Variants in GSE1 observed in about 807,000 individuals in gnomAD.
GSE1 encodes the protein Gse1 coiled-coil protein.
A neutral mutation model predicts 112.6 loss-of-function variants in GSE1; 32 were observed. The observed-to-expected ratio is 0.28, with a 90% CI of 0.21 to 0.38. The LOEUF (loss-of-function observed/expected upper bound fraction) is 0.38. GSE1 is among the 10% of genes least tolerant of loss of function. The pLI is 1.00. For synonymous variants in GSE1, 1,115 were observed against 735.6 expected (o/e 1.52, Z -8.35); for missense variants, 2,348 against 1,699.2 (o/e 1.38, Z -6.71).
intron 1 of GSE1, among the ~76,000 whole-genome samples, chr16:85,622,421 TG>T (rs2048798625): frequency 6.6e-6 from 1 of 152,158 alleles, no homozygotes; most frequent in Non-Finnish European, 1.5e-5. Context: ...CAGGTCATAT[TG>T]GGGAGGGTGT....
chr16:85,669,805 C>G (rs910308330), intron 14 of GSE1, among the ~76,000 whole-genome samples: 1 of 152,206 alleles, frequency 6.6e-6, no homozygotes, highest in African/African-American at 2.4e-5. Context: ...CTGTACCTTT[C>G]CCACCCAACC....
Position 85,673,120 on chromosome 16 carries a change from GC to G in GSE1, c.*582del, listed in dbSNP as rs1451364617. On this transcript the variant is annotated 3_prime_UTR_variant, in exon 16 of 16. Transcript: ENST00000253458. ...TAGGAGCACACAAAGCAACCCAAAG[GC>G]TTTTCCCTGGAAAAGCTCTTTCTTA... is the stretch of plus-strand genomic sequence containing the variant. 6.6e-6 allele frequency: 1 copy of G among 152,216 alleles called. No homozygotes were observed. Among genetic ancestry groups the G allele is most frequent in the Non-Finnish European group, 1.5e-5 (1 of 68,042 alleles). The allele number at this position is 152,216 out of a possible 1,614,324, so 9.4% of individuals were successfully genotyped here. A position where few individuals can be genotyped will look rare whatever the true frequency, so the allele number is the denominator to read the frequency against.
chr16:85,297,777 C>T (rs2045410101), intron 1 of GSE1, among the ~76,000 whole-genome samples: 1 of 152,236 alleles, frequency 6.6e-6, no homozygotes, highest in African/African-American at 2.4e-5. Flanking sequence ...TCCCAAAGTG[C>T]TGGGACTACA....
chr16:85,252,924 G>A (rs1023844425), intron 1 of GSE1, among the ~76,000 whole-genome samples: 1 of 152,178 alleles, frequency 6.6e-6, no homozygotes, highest in Non-Finnish European at 1.5e-5. Flanking sequence ...GGCCTTCGTG[G>A]AGCTGACACA....
intron 1 of GSE1, among the ~76,000 whole-genome samples, chr16:85,210,983 C>T (rs943924104): frequency 3.3e-5 from 5 of 152,212 alleles, no homozygotes; most frequent in Admixed American, 1.3e-4. Flanking sequence ...AGGAAGCTCC[C>T]AGACTCCTTT....
chr16:85,597,933 G>A (rs1387183416), intron 1 of GSE1, among the ~76,000 whole-genome samples: 1 of 152,218 alleles, frequency 6.6e-6, no homozygotes, highest in Non-Finnish European at 1.5e-5. Flanking sequence ...CCTTTCTTAC[G>A]GGTAGAGATC....
chr16:85,500,998 G>GTTTTTTTTTTGTTTTTTTTTTTT (rs2051342155), intron 2 of GSE1, among the ~76,000 whole-genome samples: 1 of 64,826 alleles, frequency 1.5e-5, no homozygotes, highest in African/African-American at 6.6e-5. Context: ...GGCCTGTTCT[G>GTTTTTTTTTTGTTTTTTTTTTTT]TTTTTTTTTT....
intron 2 of GSE1, among the ~76,000 whole-genome samples, chr16:85,482,149 C>T (rs1036213297): frequency 1.3e-5 from 2 of 152,222 alleles, no homozygotes; most frequent in African/African-American, 4.8e-5. Context: ...TGGCATGATG[C>T]TCAGTGTCTC....
rs538526215 is a variant in GSE1, at chr16:85,457,358, C to T, written c.2464+99715C>T. Among the ~76,000 whole-genome samples the T allele has an allele frequency of 2.0e-5, 3 of 152,338 alleles. No individual in the cohort carries two copies. The South Asian group carries it at 6.2e-4, about 32-fold the overall frequency. ...GCGAGACTCCCCCCAGACTGGACCG[C>T]AGCTGTCAGCCTGGCCATGAGTCCC... On this transcript the variant is annotated intron_variant, in intron 2 of 2. Transcript: ENST00000637419.
chr16:85,184,632 C>A (rs892636360), intron 1 of GSE1, among the ~76,000 whole-genome samples: 1 of 152,194 alleles, frequency 6.6e-6, no homozygotes, highest in Admixed American at 6.5e-5. Flanking sequence ...TAGCTGCACC[C>A]CACACTTTGT....
rs996151918 is a variant in GSE1 at position 85,349,098 on chromosome 16, G to A, written c.2284-8365G>A. On this transcript the variant is annotated intron_variant, in intron 1 of 2. Transcript: ENST00000637419. ...ATTAGTCCCTGATTACTCATTTGCC[G>A]GGTGCTGTGTGTATTCCATATCTAA... Among the ~76,000 whole-genome samples the A allele has an allele frequency of 3.9e-5, 6 of 152,274 alleles. No individual in the cohort carries two copies. The East Asian group carries it at 7.7e-4, about 20-fold the overall frequency.
At chr16:85,347,986 C>G (rs1035335598) in intron 1 of GSE1, among the ~76,000 whole-genome samples, 1 of 152,190 alleles carries the variant, frequency 6.6e-6, no homozygotes, top group Non-Finnish European at 1.5e-5. Context: ...GTGGGGTCCC[C>G]TTCTTTCTTC....
intron 2 of GSE1, among the ~76,000 whole-genome samples, chr16:85,488,861 G>T (rs2050922088): frequency 6.6e-6 from 1 of 152,134 alleles, no homozygotes; most frequent in Non-Finnish European, 1.5e-5. Context: ...TGGCCAGAGA[G>T]GGAAGGTGAA....
intron 1 of GSE1, among the ~76,000 whole-genome samples, chr16:85,338,399 G>A (rs1371202180): frequency 1.3e-5 from 2 of 152,184 alleles, no homozygotes; most frequent in African/African-American, 4.8e-5. Flanking sequence ...GGATGACAGC[G>A]TATGTGTGCA....
chr16:85,213,173 G>T (rs537475077), intron 1 of GSE1, among the ~76,000 whole-genome samples: 6 of 151,964 alleles, frequency 3.9e-5, no homozygotes, highest in East Asian at 1.9e-4. Context: ...GGAGGCTGAG[G>T]CAGGGGAATC....
chr16:85,566,513 G>C (rs1270199390), intron 1 of GSE1, among the ~76,000 whole-genome samples: 2 of 152,230 alleles, frequency 1.3e-5, no homozygotes, highest in Non-Finnish European at 2.9e-5. Context: ...CTATTGGCCA[G>C]CCCGGCCTCA....
At chr16:85,523,102 G>A (rs1465575988) in intron 2 of GSE1, among the ~76,000 whole-genome samples, 1 of 151,252 alleles carries the variant, frequency 6.6e-6, no homozygotes, top group Admixed American at 6.6e-5. Flanking sequence ...TGTGTTGTGT[G>A]CGTGTGGTTG....
At chr16:85,652,949 G>A (rs991535811) in intron 3 of GSE1, among the ~76,000 whole-genome samples, 8 of 151,930 alleles carry the variant, frequency 5.3e-5, no homozygotes, top group African/African-American at 1.7e-4. Context: ...ATGGCCAGAT[G>A]GAACGTGAGG....
At chr16:85,572,956 G>A (rs1271554912) in intron 1 of GSE1, among the ~76,000 whole-genome samples, 3 of 152,132 alleles carry the variant, frequency 2.0e-5, no homozygotes, top group African/African-American at 4.8e-5. Context: ...TGCAACCTCC[G>A]CCTCCTGGGT....
Sources: allele counts gnomAD v4.1 joint callset (sites outside exome capture counted in the v4.1 genomes callset), GRCh38; gene constraint gnomAD v4.1.1; transcripts MANE v1.5; gene names NCBI Gene and HGNC (gene_info 2026-07-23, HGNC 2026-07-21).